The following CRELD1 variants were observed in gnomAD, a reference collection of about 807,000 sequenced individuals.
The protein encoded by CRELD1 is protein disulfide isomerase CRELD1.
A neutral mutation model predicts 58.2 loss-of-function variants in CRELD1; 42 were observed. That is an observed-to-expected ratio of 0.72 (90% CI 0.56 to 0.93). CRELD1 has a LOEUF of 0.93. Ranked by LOEUF, CRELD1 falls within the 40% of genes least tolerant of loss-of-function variation. The pLI is 0.00. For missense variants in CRELD1, 500 were observed against 540.6 expected (o/e 0.92, Z 0.74); for synonymous variants, 222 against 202.0 (o/e 1.10, Z -0.84).
chr3:9,940,494 C>T (rs1320527025), intron 5 of CRELD1, among the ~76,000 whole-genome samples: 3 of 152,010 alleles, frequency 2.0e-5, no homozygotes, highest in South Asian at 2.1e-4. Context: ...AGCGAAACCC[C>T]GTCTCCACCA....
At chr3:9,935,260 G>A (rs9872226) in intron 3 of CRELD1, among the ~76,000 whole-genome samples, 11,515 of 152,204 alleles carry the variant, frequency 0.076, 987 homozygotes, top group African/African-American at 0.21. Flanking sequence ...GACAGGGAGG[G>A]AATTGGGCAG....
intron 5 of CRELD1, among the ~76,000 whole-genome samples, chr3:9,939,432 A>C: frequency 6.6e-6 from 1 of 152,144 alleles, no homozygotes; most frequent in African/African-American, 2.4e-5. Context: ...TCAGCAGATA[A>C]ACAAGTGAAC....
intron 7 of CRELD1, 79 bp downstream of exon 7, chr3:9,941,285 G>T: frequency 7.8e-7 from 1 of 1,282,900 alleles, no homozygotes. Context: ...CACAAGCCTG[G>T]GCTAGACTAG....
At chr3:9,941,282 C>T (rs373114117) in intron 7 of CRELD1, 76 bp downstream of exon 7, 1 of 1,297,904 alleles carries the variant, frequency 7.7e-7, no homozygotes, top group South Asian at 1.3e-5. Context: ...CAACACAAGC[C>T]TGGGCTAGAC....
chr3:9,936,700 C>G (rs1320711446), intron 3 of CRELD1, among the ~76,000 whole-genome samples: 3 of 152,022 alleles, frequency 2.0e-5, no homozygotes, highest in Admixed American at 6.6e-5. Flanking sequence ...AAATCCTATA[C>G]CTATTACACA....
chr3:9,935,221 GAGAC>G (rs1463020074), intron 3 of CRELD1: 1 of 354,890 alleles, frequency 2.8e-6, no homozygotes, highest in African/African-American at 2.1e-5. Flanking sequence ...TTTGAACAGA[GAGAC>G]AGGAAGTGAA....
rs2085245074 is a variant in CRELD1, at chr3:9,938,050, G to C, written c.404G>C (p.Cys135Ser). ...QEAPDLFQWL[C>S]SDSLKLCCPA... The stretch of plus-strand genomic sequence containing the variant: ...GCCCCGGACCTCTTCCAGTGGCTGT[G>C]CTCAGATTCCCTGAAGCTCTGCTGC... Residue 135 changes from cysteine to serine, a missense_variant, in exon 5 of 11, where the codon TGC (cysteine) becomes TCC (serine). Coordinates refer to ENST00000452070, the MANE Select transcript of CRELD1 (RefSeq NM_001077415.3). The C allele has an allele frequency of 6.2e-7, 1 of 1,613,926 alleles. No individual in the cohort carries two copies. Among genetic ancestry groups the C allele is most frequent in the Non-Finnish European group, 8.5e-7 (1 of 1,180,032 alleles).
intron 3 of CRELD1, 109 bp downstream of exon 3, chr3:9,935,026 G>A (rs2085134921): frequency 1.1e-6 from 1 of 887,706 alleles, no homozygotes; most frequent in Non-Finnish European, 1.7e-6. Flanking sequence ...TCAACAAATA[G>A]CACTGAACAT....
chr3:9,944,113 C>T, intron 10 of CRELD1: 1 of 789,118 alleles, frequency 1.3e-6, no homozygotes, highest in Non-Finnish European at 2.3e-6. Flanking sequence ...ATGCTCTGCC[C>T]CCAACTTGTC....
chr3:9,935,818 T>C, intron 3 of CRELD1: 1 of 151,768 alleles, frequency 6.6e-6, no homozygotes, highest in Non-Finnish European at 1.5e-5. Context: ...TTTGAACGTA[T>C]TGGGCTGAAA....
chr3:9,941,595 C>A (rs993962271), intron 7 of CRELD1, among the ~76,000 whole-genome samples: 2 of 151,920 alleles, frequency 1.3e-5, no homozygotes, highest in African/African-American at 2.4e-5. Flanking sequence ...TCGAGACCAT[C>A]CTGGCTAACA....
rs772094283 is a variant in CRELD1 at position 9,943,172 on chromosome 3, G to A, written c.913G>A (p.Asp305Asn). 45 of 1,612,016 alleles carry A rather than the reference G, an allele frequency of 2.8e-5. 1 individual carries two copies. Among genetic ancestry groups the A allele is most frequent in the Admixed American group, 2.0e-4 (12 of 60,006 alleles). The change falls in exon 9 of 11, where the codon GAT becomes AAT. Residue 305 changes from aspartate to asparagine, a missense_variant and splice_region_variant. Asp to Asn is a conservative substitution (Grantham distance 23). Transcript: ENST00000452070. ...GYQQVGSKCL[D>N]VDECETEVCP... is the part of the protein sequence containing the mutation. ...TCAGCAGGTGGGCTCCAAGTGTCTC[G>A]GTGAGTCTCCTGCTGATGGGACACA...
At chr3:9,940,801 A>C in intron 5 of CRELD1, 49 bp from the exon 6 acceptor site, 1 of 1,540,976 alleles carries the variant, frequency 6.5e-7, no homozygotes, top group East Asian at 2.3e-5. Flanking sequence ...ATTATCTTGT[A>C]TATCAAGGTT....
chr3:9,935,238 A>T (rs1194614050), intron 3 of CRELD1, among the ~76,000 whole-genome samples: 1 of 152,202 alleles, frequency 6.6e-6, no homozygotes, highest in Non-Finnish European at 1.5e-5. Context: ...GAAGTGAAGA[A>T]GCGAGCTATG....
In CRELD1 at chr3:9,943,398, A is replaced by G; in HGVS notation, c.931A>G (p.Thr311Ala). The change falls in exon 10 of 11, where the codon ACA (threonine) becomes GCA (alanine). Residue 311 changes from threonine (T) to alanine (A), a missense_variant. Transcript: ENST00000452070. The part of the protein sequence containing the change: ...SKCLDVDECE[T>A]EVCPGENKQC... Reference sequence around the variant, plus strand: ...CCCTCAAGATGTGGATGAGTGTGAGACAGAGGTGTGTCCGGGAGAGAACAA... The same window carrying G: ...CCCTCAAGATGTGGATGAGTGTGAGGCAGAGGTGTGTCCGGGAGAGAACAA... The G allele has an allele frequency of 1.2e-6, 2 of 1,613,900 alleles. No individual in the cohort carries two copies. The highest frequency in any genetic ancestry group is 1.7e-6 in the Non-Finnish European group (2 of 1,179,990).
chr3:9,934,617 G>T lies in CRELD1; in HGVS notation c.174+5G>T. ...CTGGTTGACAGCTTTAACAAGGTGG[G>T]TGCACCGGCAGCCTCGTTAGAGGGG... On this transcript the variant is annotated splice_donor_5th_base_variant and intron_variant, in intron 2 of 10. Coordinates refer to ENST00000452070, the MANE Select transcript of CRELD1 (RefSeq NM_001077415.3). The T allele has an allele frequency of 6.2e-7, 1 of 1,612,142 alleles. No homozygotes were observed. The highest frequency in any genetic ancestry group is 1.1e-5 in the South Asian group (1 of 91,058).
chr3:9,943,495 G>A lies in CRELD1; in HGVS notation c.1028G>A (p.Cys343Tyr). 1.9e-6 allele frequency: 3 copies of A among 1,614,130 alleles called. No individual in the cohort carries two copies. Among genetic ancestry groups the A allele is most frequent in the Non-Finnish European group, 2.5e-6 (3 of 1,180,026 alleles). The change falls in exon 10 of 11, where the codon TGT (cysteine) becomes TAT (tyrosine). Residue 343 changes from cysteine to tyrosine, a missense_variant. Coordinates refer to ENST00000452070, the MANE Select transcript of CRELD1 (RefSeq NM_001077415.3). ...AEGYKQMEGI[C>Y]VKEQIPESAG... ...GGCTACAAGCAGATGGAAGGCATCTGTGTGAAGGAGCAGATCCCAGGTGAG... is the reference window on the plus strand; with the variant it reads ...GGCTACAAGCAGATGGAAGGCATCTATGTGAAGGAGCAGATCCCAGGTGAG...
intron 7 of CRELD1, among the ~76,000 whole-genome samples, chr3:9,942,179 G>A (rs566675931): frequency 1.3e-5 from 2 of 151,994 alleles, no homozygotes; most frequent in East Asian, 1.9e-4. Context: ...GCAGAGGCAG[G>A]AGAGTCGCTT....
chr3:9,942,364 C>T lies in CRELD1; in HGVS notation c.734-449C>T, dbSNP rs2085393504. ...AGTAGTCCAGGCTGGCAGGGGAGCT[C>T]TGCTAGTCATAATCATTCCAGTACC... On this transcript the variant is annotated intron_variant, in intron 7 of 10. Transcript: ENST00000452070. 2.6e-5 allele frequency among the ~76,000 whole-genome samples: 4 copies of T among 151,890 alleles called. No individual in the cohort carries two copies. In the South Asian group the frequency reaches 8.3e-4, roughly 31 times the overall value.
Sources: allele counts gnomAD v4.1 joint callset (sites outside exome capture counted in the v4.1 genomes callset), GRCh38; gene constraint gnomAD v4.1.1; transcripts MANE v1.5; gene names NCBI Gene and HGNC (gene_info 2026-07-23, HGNC 2026-07-21).